The following SGK3 variants were observed in gnomAD, a reference collection of about 807,000 sequenced individuals.
SGK3 encodes the protein serine/threonine-protein kinase Sgk3.
Under a neutral mutation model 68.5 loss-of-function variants are expected in SGK3, and 47 were observed. The observed-to-expected ratio is 0.69, with a 90% confidence interval of 0.54 to 0.87. The LOEUF (loss-of-function observed/expected upper bound fraction) is 0.87. Ranked by LOEUF, SGK3 falls within the 40% of genes least tolerant of loss-of-function variation. SGK3 has a pLI of 0.00. For synonymous variants in SGK3, 181 were observed against 189.1 expected, an observed-to-expected ratio of 0.96 and a Z score of 0.35; for missense variants, 479 against 575.5, an observed-to-expected ratio of 0.83 and a Z score of 1.72.
chr8:66,839,555 A>G (rs1283342837), intron 10 of SGK3, among the ~76,000 whole-genome samples: 10 of 72,222 alleles, frequency 1.4e-4, no homozygotes, highest in Admixed American at 4.4e-4. Flanking sequence ...ATATATATAT[A>G]TATTTTCATA....
At chr8:66,825,864 G>A (rs1394872503) in intron 6 of SGK3, among the ~76,000 whole-genome samples, 5 of 152,146 alleles carry the variant, frequency 3.3e-5, no homozygotes, top group Non-Finnish European at 7.4e-5. Context: ...TTTCAGAAAT[G>A]TGCTCCATTA....
At chr8:66,840,958 A>AT in intron 12 of SGK3, 66 bp from the exon 13 acceptor site, 1 of 1,237,846 alleles carries the variant, frequency 8.1e-7, no homozygotes, top group Non-Finnish European at 1.1e-6. Flanking sequence ...AAAAAAAAAA[A>AT]TTAACTGAAA....
At chr8:66,799,462 T>G (rs970264224) in intron 3 of SGK3, among the ~76,000 whole-genome samples, 2 of 152,176 alleles carry the variant, frequency 1.3e-5, no homozygotes, top group African/African-American at 4.8e-5. Flanking sequence ...TAGCAGTGTT[T>G]GTGGATAGTG....
rs1459116421 is a variant in SGK3, at chr8:66,768,279, A to C, written c.-121-25337A>C. On this transcript the variant is annotated intron_variant, in intron 1 of 16. Coordinates refer to ENST00000521198, the MANE Select transcript of SGK3 (RefSeq NM_001033578.3). The stretch of plus-strand genomic sequence containing the variant: ...ATTATTAAAAAATCAAAATATGTTT[A>C]GTTCTGTTGTTACTATTTCAAGTGC... Among the ~76,000 whole-genome samples, 3 of 152,140 alleles carry C rather than the reference A, an allele frequency of 2.0e-5. No homozygotes were observed. In the East Asian group the frequency reaches 5.8e-4, roughly 29 times the overall value.
chr8:66,859,604 T>C lies in SGK3; in HGVS notation c.*23T>C, dbSNP rs973863515. The C allele has an allele frequency of 3.1e-5, 50 of 1,598,890 alleles. No individual in the cohort carries two copies. Among genetic ancestry groups the C allele is most frequent in the Non-Finnish European group, 4.3e-5 (50 of 1,169,656 alleles). Reference sequence around the variant, plus strand: ...TGAGCAGTTTGCCATTCAGAAACCATTGAGCAAAATAAGTCTATAGATGGG... The same window carrying C: ...TGAGCAGTTTGCCATTCAGAAACCACTGAGCAAAATAAGTCTATAGATGGG... On this transcript the variant is annotated 3_prime_UTR_variant, in exon 17 of 17. Transcript: ENST00000521198.
intron 3 of SGK3, among the ~76,000 whole-genome samples, chr8:66,803,475 C>T (rs1293778149): frequency 8.6e-6 from 1 of 116,304 alleles, no homozygotes; most frequent in Non-Finnish European, 1.6e-5. Context: ...GATTACAGGC[C>T]TCAGTGAGCT....
At chr8:66,729,498 A>G (rs1255670176) in intron 1 of SGK3, among the ~76,000 whole-genome samples, 3 of 152,044 alleles carry the variant, frequency 2.0e-5, no homozygotes, top group South Asian at 2.1e-4. Flanking sequence ...TTGTATGAAT[A>G]TACCATATTT....
At chr8:66,823,716 A>AT (rs5892067) in intron 6 of SGK3, among the ~76,000 whole-genome samples, 19,628 of 152,118 alleles carry the variant, frequency 0.13, 2,400 homozygotes, top group African/African-American at 0.32. Flanking sequence ...TTTAAACTAG[A>AT]TGTGATAGCA....
chr8:66,807,907 T>C (rs1808228778), intron 4 of SGK3, among the ~76,000 whole-genome samples: 1 of 152,164 alleles, frequency 6.6e-6, no homozygotes, highest in Non-Finnish European at 1.5e-5. Context: ...AGATATAACA[T>C]ACTTGTAAAA....
In SGK3 at chr8:66,852,368, G is replaced by A. The variant is rs374475682; in HGVS notation, c.1320+1448G>A. ...GCGATCTTGGCTCACTACAACCTCC[G>A]CCTCCCTGGTTCAGGAGATTCTCCT... On this transcript the variant is annotated intron_variant, in intron 16 of 16. Coordinates refer to ENST00000521198, the MANE Select transcript of SGK3 (RefSeq NM_001033578.3). Among the ~76,000 whole-genome samples the A allele has an allele frequency of 1.2e-4, 16 of 132,124 alleles. No individual in the cohort carries two copies. In the East Asian group the frequency reaches 2.4e-3, roughly 20 times the overall value. The allele number at this position is 132,124 out of a possible 152,430, so 86.7% of individuals were successfully genotyped here.
chr8:66,744,237 G>A (rs1156680086), intron 1 of SGK3, among the ~76,000 whole-genome samples: 5 of 151,800 alleles, frequency 3.3e-5, no homozygotes, highest in Non-Finnish European at 7.4e-5. Flanking sequence ...TAGAGGCATT[G>A]CTCCCTTGTC....
At chr8:66,846,064 T>A (rs1431039502) in intron 14 of SGK3, among the ~76,000 whole-genome samples, 1 of 152,142 alleles carries the variant, frequency 6.6e-6, no homozygotes, top group Non-Finnish European at 1.5e-5. Flanking sequence ...TAGAGACCAG[T>A]CCTCTGGTGA....
chr8:66,735,979 C>T (rs777839844), intron 1 of SGK3, among the ~76,000 whole-genome samples: 8 of 152,146 alleles, frequency 5.3e-5, no homozygotes, highest in Non-Finnish European at 1.0e-4. Context: ...ATGGAATGAA[C>T]GTCATTGATG....
rs75441069 is a variant in SGK3 at position 66,821,379 on chromosome 8, G to C, written c.330-993G>C. Among the ~76,000 whole-genome samples the C allele has an allele frequency of 2.4e-3, 370 of 152,066 alleles. 6 individuals are homozygous for C. The East Asian group carries it at 0.032, about 13-fold the overall frequency. On this transcript the variant is annotated intron_variant, in intron 5 of 16. Transcript: ENST00000521198. ...GTTTCTTGCTTCTCGCTGTTGACTG[G>C]TATTCCCTATAGGCAGTTACCATAG...
At chr8:66,841,211 A>G (rs1585799141) in intron 13 of SGK3, 101 bp downstream of exon 13, 6 of 970,836 alleles carry the variant, frequency 6.2e-6, no homozygotes, top group Non-Finnish European at 8.4e-6. Flanking sequence ...AGTAGAATAA[A>G]AACTGTCATT....
chr8:66,807,179 G>A (rs1377942260), intron 4 of SGK3, among the ~76,000 whole-genome samples: 1 of 152,172 alleles, frequency 6.6e-6, no homozygotes, highest in East Asian at 1.9e-4. Flanking sequence ...GATTGCTTAG[G>A]TAACACATAT....
At chr8:66,737,368 T>A (rs865792006) in intron 1 of SGK3, 1 of 151,498 alleles carries the variant, frequency 6.6e-6, no homozygotes, top group Non-Finnish European at 1.5e-5. Flanking sequence ...AAAAAAAAAA[T>A]TCTGAGAAGC....
intron 1 of SGK3, chr8:66,778,205 C>G (rs950221680): frequency 3.3e-5 from 5 of 152,236 alleles, no homozygotes; most frequent in African/African-American, 9.7e-5. Flanking sequence ...TTCTTCAGTG[C>G]TTCATGTCCT....
intron 16 of SGK3, among the ~76,000 whole-genome samples, chr8:66,857,162 A>G (rs1162244936): frequency 6.6e-6 from 1 of 152,196 alleles, no homozygotes; most frequent in Non-Finnish European, 1.5e-5. Context: ...ATTGTATATA[A>G]GAATTTGATG....
Sources: gnomAD v4.1 joint callset for allele counts (sites outside exome capture counted in the v4.1 genomes callset) on GRCh38, gnomAD v4.1.1 for gene constraint, MANE v1.5 for transcripts, NCBI Gene and HGNC (gene_info 2026-07-23, HGNC 2026-07-21) for gene names.